The following HTR1E variants were observed in gnomAD, a reference collection of about 807,000 sequenced individuals.
The protein encoded by HTR1E is 5-HT-1E.
HTR1E carries 3 observed loss-of-function variants against 3.4 expected under a neutral mutation model. The ratio of observed to expected loss-of-function variants is 0.89; its 90% CI spans 0.41 to 2.31. The LOEUF (loss-of-function observed/expected upper bound fraction) is 2.31, where lower values mean the gene tolerates loss of function less well. HTR1E is among the 30% of genes most tolerant of loss of function. The pLI is 0.05. For synonymous variants in HTR1E, 170 were observed against 182.8 expected, an observed-to-expected ratio of 0.93 and a Z score of 0.56; for missense variants, 392 against 467.0, an observed-to-expected ratio of 0.84 and a Z score of 1.48.
intron 1 of HTR1E, among the ~76,000 whole-genome samples, chr6:87,002,656 G>A (rs559450026): frequency 4.6e-5 from 7 of 151,796 alleles, no homozygotes; most frequent in South Asian, 2.1e-4. Context: ...AGTGCTGATC[G>A]GTGCATTTTT....
At chr6:86,950,647 C>A (rs993282736) in intron 1 of HTR1E, among the ~76,000 whole-genome samples, 40 of 152,206 alleles carry the variant, frequency 2.6e-4, no homozygotes, top group African/African-American at 9.2e-4. Flanking sequence ...GTACCTGCCA[C>A]ATAATAAGCA....
intron 1 of HTR1E, among the ~76,000 whole-genome samples, chr6:86,958,523 T>C (rs1365168099): frequency 2.0e-5 from 3 of 152,198 alleles, no homozygotes; most frequent in Non-Finnish European, 4.4e-5. Flanking sequence ...CCAGCTAGAA[T>C]ACAGGCATTA....
At chr6:87,009,360 G>C (rs1768166372) in intron 1 of HTR1E, among the ~76,000 whole-genome samples, 1 of 151,828 alleles carries the variant, frequency 6.6e-6, no homozygotes, top group Non-Finnish European at 1.5e-5. Flanking sequence ...ACATGTTTCA[G>C]AGAGCACAGG....
At chr6:86,955,096 C>T (rs140144082) in intron 1 of HTR1E, among the ~76,000 whole-genome samples, 20 of 152,270 alleles carry the variant, frequency 1.3e-4, no homozygotes, top group Non-Finnish European at 2.4e-4. Flanking sequence ...GCAAGGCTTC[C>T]GTCTCCCTGC....
At chr6:87,009,839 C>T (rs1768178621) in intron 1 of HTR1E, among the ~76,000 whole-genome samples, 1 of 113,866 alleles carries the variant, frequency 8.8e-6, no homozygotes, top group Non-Finnish European at 1.8e-5. Flanking sequence ...GGGACTGACC[C>T]CCCCCCACCT....
intron 1 of HTR1E, among the ~76,000 whole-genome samples, chr6:87,013,393 A>AT (rs922246197): frequency 2.6e-5 from 4 of 152,232 alleles, no homozygotes; most frequent in Middle Eastern, 6.8e-3. Context: ...GACTCATGAT[A>AT]TTTTTTATGT....
At chr6:87,011,041 A>T (rs1434199435) in intron 1 of HTR1E, among the ~76,000 whole-genome samples, 1 of 152,248 alleles carries the variant, frequency 6.6e-6, no homozygotes, top group Non-Finnish European at 1.5e-5. Context: ...TTATTGGTCT[A>T]AGATGCTTAA....
At chr6:86,987,608 A>C (rs1767808632) in intron 1 of HTR1E, among the ~76,000 whole-genome samples, 1 of 152,176 alleles carries the variant, frequency 6.6e-6, no homozygotes, top group African/African-American at 2.4e-5. Context: ...GATTTTTACT[A>C]TAATTAAGTT....
chr6:86,968,709 C>T (rs1365768637), intron 1 of HTR1E, among the ~76,000 whole-genome samples: 1 of 152,046 alleles, frequency 6.6e-6, no homozygotes, highest in Non-Finnish European at 1.5e-5. Context: ...TGAAATTAGT[C>T]CTTAATACAT....
At chr6:87,004,143 GA>G (rs1768068634) in intron 1 of HTR1E, among the ~76,000 whole-genome samples, 1 of 152,238 alleles carries the variant, frequency 6.6e-6, no homozygotes, top group African/African-American at 2.4e-5. Context: ...GAAAATCCAG[GA>G]TGTGATGACT....
chr6:86,946,066 G>C (rs1045383094), intron 1 of HTR1E, among the ~76,000 whole-genome samples: 5 of 152,130 alleles, frequency 3.3e-5, no homozygotes, highest in Admixed American at 2.6e-4. Flanking sequence ...AAGTAAAAAA[G>C]TTATAGTAAG....
At chr6:86,976,742 C>T (rs1231223859) in intron 1 of HTR1E, among the ~76,000 whole-genome samples, 2 of 152,240 alleles carry the variant, frequency 1.3e-5, no homozygotes, top group African/African-American at 4.8e-5. Context: ...CCCCTACCAA[C>T]GATCCAGAAA....
At chr6:86,995,687 A>AG (rs775399136) in intron 1 of HTR1E, among the ~76,000 whole-genome samples, 1 of 65,054 alleles carries the variant, frequency 1.5e-5, no homozygotes, top group African/African-American at 3.5e-5. Context: ...AAAAAAAAAA[A>AG]GAAAAAAAAA....
At chr6:86,968,495 A>G (rs1204868905) in intron 1 of HTR1E, among the ~76,000 whole-genome samples, 3 of 152,198 alleles carry the variant, frequency 2.0e-5, no homozygotes, top group Non-Finnish European at 4.4e-5. Context: ...AATTTGAGAT[A>G]TTTCATAATC....
intron 1 of HTR1E, among the ~76,000 whole-genome samples, chr6:86,964,966 A>G (rs1362254285): frequency 1.3e-5 from 2 of 152,186 alleles, no homozygotes; most frequent in Non-Finnish European, 2.9e-5. Flanking sequence ...TCATTCACCC[A>G]CAGATTTTGT....
At chr6:86,997,512 T>C (rs929492848) in intron 1 of HTR1E, among the ~76,000 whole-genome samples, 2 of 151,730 alleles carry the variant, frequency 1.3e-5, no homozygotes, top group African/African-American at 4.8e-5. Context: ...ACAAGATCAA[T>C]ACCCAAAATA....
intron 1 of HTR1E, among the ~76,000 whole-genome samples, chr6:86,944,344 T>C (rs1768585853): frequency 6.6e-6 from 1 of 152,208 alleles, no homozygotes; most frequent in East Asian, 1.9e-4. Flanking sequence ...CCACCTGAGA[T>C]ACTGCCTGCC....
At chr6:86,958,866 T>C (rs980973159) in intron 1 of HTR1E, among the ~76,000 whole-genome samples, 4 of 152,004 alleles carry the variant, frequency 2.6e-5, no homozygotes, top group African/African-American at 9.7e-5. Flanking sequence ...CAACCAGATA[T>C]TGGCCCAGCT....
At position 87,015,926 on chromosome 6, in the gene HTR1E, A is replaced by T; in HGVS notation, c.592A>T (p.Ile198Leu). ...TGCGTTTTATATCCCCTTGACTTTGATACTGATTCTCTATTACCGGATTTA... is the reference window on the plus strand; with the variant it reads ...TGCGTTTTATATCCCCTTGACTTTGTTACTGATTCTCTATTACCGGATTTA... ...LGAFYIPLTL[I>L]LILYYRIYHA... The change falls in exon 2 of 2, where the codon ATA becomes TTA. Residue 198 changes from isoleucine (I) to leucine (L), a missense_variant. Physicochemically the swap from Ile to Leu is conservative, Grantham distance 5 (BLOSUM62 2). This residue lies in a region of HTR1E where 178 missense variants were observed against 164.9 expected (regional missense o/e 1.08). Transcript: ENST00000305344. 2 of 1,613,872 alleles carry T rather than the reference A, an allele frequency of 1.2e-6. No homozygotes were observed. Among genetic ancestry groups the T allele is most frequent in the Non-Finnish European group, 1.7e-6 (2 of 1,179,802 alleles).
Sources: allele counts gnomAD v4.1 joint callset (sites outside exome capture counted in the v4.1 genomes callset), GRCh38; gene constraint gnomAD v4.1.1; regional missense constraint gnomAD v4.1.1; transcripts MANE v1.5; gene names NCBI Gene and HGNC (gene_info 2026-07-23, HGNC 2026-07-21).